The following CCDC138 variants were observed in gnomAD, a reference collection of about 807,000 sequenced individuals.
CCDC138 encodes coiled-coil domain-containing protein 138.
CCDC138 carries 66 observed loss-of-function variants against 82.3 expected under a neutral mutation model. That is an observed-to-expected ratio of 0.80 (90% confidence interval 0.66 to 0.98). CCDC138 has a LOEUF of 0.98. CCDC138 is among the 50% of genes least tolerant of loss of function. The pLI is 0.00. For synonymous variants in CCDC138, 297 were observed against 265.4 expected (o/e 1.12, Z -1.16); for missense variants, 816 against 758.9 (o/e 1.08, Z -0.88).
chr2:108,816,821 T>G (rs1004481761), intron 10 of CCDC138, among the ~76,000 whole-genome samples: 3 of 152,138 alleles, frequency 2.0e-5, no homozygotes, highest in Non-Finnish European at 4.4e-5. Flanking sequence ...CTCATCCCTT[T>G]GAGTAGGGTC....
At chr2:108,791,901 T>G (rs1444352998) in intron 4 of CCDC138, 99 bp downstream of exon 4, 8 of 1,213,792 alleles carry the variant, frequency 6.6e-6, no homozygotes, top group Non-Finnish European at 8.9e-6. Flanking sequence ...CCCAAGAGTT[T>G]GCATATTTCT....
At chr2:108,849,879 G>T (rs1691167020) in intron 12 of CCDC138, among the ~76,000 whole-genome samples, 1 of 152,186 alleles carries the variant, frequency 6.6e-6, no homozygotes, top group South Asian at 2.1e-4. Context: ...TGAGTCTCAG[G>T]GAGAAGAGCA....
intron 3 of CCDC138, 78 bp from the exon 4 acceptor site, chr2:108,791,597 T>G: frequency 6.8e-7 from 1 of 1,478,724 alleles, no homozygotes; most frequent in Non-Finnish European, 9.4e-7. Context: ...ATGCTGTTAA[T>G]ATTTGAAAAG....
At chr2:108,816,245 G>GT (rs1161999556) in intron 10 of CCDC138, 140 bp downstream of exon 10, 2 of 595,210 alleles carry the variant, frequency 3.4e-6, no homozygotes, top group South Asian at 2.4e-5. Flanking sequence ...GAGGTCAGGA[G>GT]TTTAAGACCA....
intron 10 of CCDC138, among the ~76,000 whole-genome samples, chr2:108,816,748 T>G (rs921383114): frequency 2.2e-4 from 33 of 152,130 alleles, no homozygotes; most frequent in African/African-American, 7.7e-4. Context: ...TAGGCTGGAG[T>G]GCAGTGGCCC....
intron 6 of CCDC138, among the ~76,000 whole-genome samples, chr2:108,804,278 C>T (rs778874784): frequency 5.3e-5 from 8 of 152,094 alleles, no homozygotes; most frequent in Non-Finnish European, 7.4e-5. Context: ...CTAAAACATG[C>T]TATCCCATTT....
At chr2:108,838,247 C>G (rs967955325) in intron 10 of CCDC138, among the ~76,000 whole-genome samples, 1 of 152,088 alleles carries the variant, frequency 6.6e-6, no homozygotes, top group Non-Finnish European at 1.5e-5. Flanking sequence ...TAAGAATTGG[C>G]TGGTCCAGGG....
chr2:108,804,001 C>T (rs1292206448), intron 6 of CCDC138, among the ~76,000 whole-genome samples: 5 of 152,138 alleles, frequency 3.3e-5, no homozygotes, highest in Non-Finnish European at 7.4e-5. Context: ...AGATTAACTT[C>T]TTAGAATATT....
At chr2:108,794,475 A>T in intron 4 of CCDC138, 65 bp from the exon 5 acceptor site, 1 of 1,400,142 alleles carries the variant, frequency 7.1e-7, no homozygotes, top group Non-Finnish European at 9.8e-7. Context: ...CCTAAAGGTT[A>T]CTCTGAGAAT....
intron 10 of CCDC138, among the ~76,000 whole-genome samples, chr2:108,822,121 A>T (rs1221147408): frequency 6.6e-6 from 1 of 152,144 alleles, no homozygotes; most frequent in Non-Finnish European, 1.5e-5. Flanking sequence ...GAAAAAGACA[A>T]TCCTTGTCAA....
intron 9 of CCDC138, among the ~76,000 whole-genome samples, chr2:108,814,946 T>A (rs942883112): frequency 5.3e-5 from 8 of 152,052 alleles, no homozygotes; most frequent in East Asian, 1.9e-4. Flanking sequence ...TGCAGATTTT[T>A]AAAAAAATAA....
downstream of CCDC138, among the ~76,000 whole-genome samples, chr2:108,880,767 T>A (rs551780259): frequency 1.0e-3 from 157 of 152,326 alleles, no homozygotes; most frequent in African/African-American, 3.6e-3. Flanking sequence ...AAGACTCCTC[T>A]GAAAACATTA....
chr2:108,788,838 T>C lies in CCDC138; in HGVS notation c.152-14T>C, dbSNP rs951231310. ...TGTTGTGGTAATCTTTCATGGTTTCTTTGTCGTTGACAGGTGATTTGGATA... is the reference window on the plus strand; with the variant it reads ...TGTTGTGGTAATCTTTCATGGTTTCCTTGTCGTTGACAGGTGATTTGGATA... On this transcript the variant is annotated splice_polypyrimidine_tract_variant and intron_variant, in intron 2 of 14. Coordinates refer to ENST00000295124, the MANE Select transcript of CCDC138 (RefSeq NM_144978.3). 1 of 1,613,860 alleles carries C rather than the reference T, an allele frequency of 6.2e-7. No homozygotes were observed. Among genetic ancestry groups the C allele is most frequent in the Non-Finnish European group, 8.5e-7 (1 of 1,179,922 alleles).
intron 10 of CCDC138, among the ~76,000 whole-genome samples, chr2:108,829,599 A>G (rs918742252): frequency 2.6e-5 from 4 of 152,236 alleles, no homozygotes; most frequent in African/African-American, 9.6e-5. Flanking sequence ...TATAAAAATT[A>G]GCCCAGTGTG....
chr2:108,810,616 G>C lies in CCDC138; in HGVS notation c.856-2015G>C, dbSNP rs1375702129. Among the ~76,000 whole-genome samples the C allele has an allele frequency of 2.0e-5, 3 of 152,204 alleles. No homozygotes were observed. The East Asian group carries it at 5.8e-4, about 29-fold the overall frequency. On this transcript the variant is annotated intron_variant, in intron 7 of 14. Coordinates refer to ENST00000295124, the MANE Select transcript of CCDC138 (RefSeq NM_144978.3). ...TATGTTCATCAGGAATATTGGCCTG[G>C]AGTTTTCTTGTTGTGTCTTGGTTTG...
chr2:108,841,004 TTTTGTTTGTTTG>T (rs374254343), intron 11 of CCDC138, among the ~76,000 whole-genome samples: 9 of 151,598 alleles, frequency 5.9e-5, no homozygotes, highest in South Asian at 4.2e-4. Context: ...TGTGTGTGTT[TTTTGTTTGTTTG>T]TTTGTTTGTT....
downstream of CCDC138, among the ~76,000 whole-genome samples, chr2:108,876,970 G>C (rs1696063237): frequency 6.6e-6 from 1 of 152,152 alleles, no homozygotes; most frequent in Non-Finnish European, 1.5e-5. Flanking sequence ...ACTTAGGACA[G>C]GATACTGAGA....
rs775287432 is a variant in CCDC138 at position 108,876,222 on chromosome 2, G to C, written c.1967G>C (p.Cys656Ser). The change falls in exon 15 of 15, where the codon TGT becomes TCT. Residue 656 changes from cysteine (C) to serine (S), a missense_variant. Coordinates refer to ENST00000295124, the MANE Select transcript of CCDC138 (RefSeq NM_144978.3). ...STLFNLGLTKCNSLVSSASP is the reference protein window; with the variant it reads ...STLFNLGLTKSNSLVSSASP Reference sequence around the variant, plus strand: ...CTGTTCAATCTGGGTTTAACAAAATGTAACTCCCTGGTCTCCAGTGCAAGC... The same window carrying C: ...CTGTTCAATCTGGGTTTAACAAAATCTAACTCCCTGGTCTCCAGTGCAAGC... The C allele has an allele frequency of 1.2e-5, 19 of 1,612,380 alleles. No individual in the cohort carries two copies. The highest frequency in any genetic ancestry group is 1.6e-5 in the Non-Finnish European group (19 of 1,179,064).
chr2:108,830,506 A>T (rs1344112836), intron 10 of CCDC138, among the ~76,000 whole-genome samples: 2 of 152,202 alleles, frequency 1.3e-5, no homozygotes, highest in Non-Finnish European at 2.9e-5. Context: ...CACTTTGCAG[A>T]AGTTAGGCAA....
Sources: gnomAD v4.1 joint callset for allele counts (sites outside exome capture counted in the v4.1 genomes callset) on GRCh38, gnomAD v4.1.1 for gene constraint, MANE v1.5 for transcripts, NCBI Gene and HGNC (gene_info 2026-07-23, HGNC 2026-07-21) for gene names.